Variants in PPIP5K2 observed in about 807,000 individuals in gnomAD.
PPIP5K2 encodes the protein inositol hexakisphosphate and diphosphoinositol-pentakisphosphate kinase 2.
PPIP5K2 carries 105 observed loss-of-function variants against 154.6 expected under a neutral mutation model. The observed-to-expected ratio is 0.68, with a 90% confidence interval of 0.58 to 0.80. The LOEUF (loss-of-function observed/expected upper bound fraction) is 0.80, where lower values mean the gene tolerates loss of function less well. Ranked by LOEUF, PPIP5K2 falls within the 30% of genes least tolerant of loss-of-function variation. The pLI, the probability that PPIP5K2 is intolerant of heterozygous loss-of-function variation, is 0.00. For synonymous variants in PPIP5K2, 480 were observed against 490.3 expected (o/e 0.98, Z 0.28); for missense variants, 992 against 1,504.6 (o/e 0.66, Z 5.64).
chr5:103,167,948 A>G (rs1426550371), intron 18 of PPIP5K2, 124 bp from the exon 19 acceptor site: 2 of 597,494 alleles, frequency 3.3e-6, no homozygotes, highest in Admixed American at 6.8e-5. Context: ...TGCCTAAAGT[A>G]ACTCTCTAAC....
intron 28 of PPIP5K2, chr5:103,188,974 T>G: frequency 4.8e-6 from 2 of 413,440 alleles, no homozygotes; most frequent in Non-Finnish European, 8.5e-6. Context: ...TTTTTAATAT[T>G]GTGTTGTCTT....
rs1554231119 is a variant in PPIP5K2, at chr5:103,202,837, A to G, written c.*1203A>G. ...GTAGTTAAATAACTTAAATTGCTAA[A>G]GCTTTAGCTTGAAATTTATGTTTAG... is the stretch of plus-strand genomic sequence containing the variant. On this transcript the variant is annotated 3_prime_UTR_variant, in exon 31 of 31. Coordinates refer to ENST00000358359, the MANE Select transcript of PPIP5K2 (RefSeq NM_001276277.3). 1 of 152,198 alleles carries G rather than the reference A, an allele frequency of 6.6e-6. No individual in the cohort carries two copies. Among genetic ancestry groups the G allele is most frequent in the East Asian group, 1.9e-4 (1 of 5,202 alleles). 9.4% of individuals were successfully genotyped at this position (152,198 alleles called of 1,614,324 possible).
At chr5:103,190,731 A>ATTGT in intron 28 of PPIP5K2, 111 bp from the exon 29 acceptor site, 21 of 900,972 alleles carry the variant, frequency 2.3e-5, no homozygotes, top group Non-Finnish European at 3.3e-5. Flanking sequence ...TGCATGTGAT[A>ATTGT]GACTGAAAAG....
At position 103,211,829 on chromosome 5, in the gene PPIP5K2, G is replaced by A. The variant is rs1554232600; in HGVS notation, c.*10195G>A. ...GCTCAAAAGCAGTCATAAAGTTCATGGCAAAATAACCCACATAATTAACTG... is the reference window on the plus strand; with the variant it reads ...GCTCAAAAGCAGTCATAAAGTTCATAGCAAAATAACCCACATAATTAACTG... On this transcript the variant is annotated 3_prime_UTR_variant, in exon 31 of 31. Coordinates refer to ENST00000358359, the MANE Select transcript of PPIP5K2 (RefSeq NM_001276277.3). 1.3e-5 allele frequency: 2 copies of A among 151,984 alleles called. No individual in the cohort carries two copies. Among genetic ancestry groups the A allele is most frequent in the Non-Finnish European group, 2.9e-5 (2 of 67,944 alleles). The allele number at this position is 151,984 out of a possible 1,614,324, so 9.4% of individuals were successfully genotyped here. A position where few individuals can be genotyped will look rare whatever the true frequency, so the allele number is the denominator to read the frequency against.
At position 103,166,645 on chromosome 5, in the gene PPIP5K2, A is replaced by G. The variant is rs192996157; in HGVS notation, c.1921-534A>G. ...TTTTTTACTTTTATCTTTTAATTCA[A>G]TTTTTCCACATACTTTCTGGAAGTT... On this transcript the variant is annotated intron_variant, in intron 17 of 30. Coordinates refer to ENST00000358359, the MANE Select transcript of PPIP5K2 (RefSeq NM_001276277.3). 8.6e-5 allele frequency among the ~76,000 whole-genome samples: 13 copies of G among 151,960 alleles called. No individual in the cohort carries two copies. The East Asian group carries it at 1.7e-3, about 20-fold the overall frequency.
At chr5:103,176,495 T>C (rs1798736429) in intron 21 of PPIP5K2, among the ~76,000 whole-genome samples, 1 of 151,896 alleles carries the variant, frequency 6.6e-6, no homozygotes, top group South Asian at 2.1e-4. Flanking sequence ...ACACACGGAA[T>C]GTATAATGTC....
At chr5:103,158,596 A>G in intron 16 of PPIP5K2, 23 bp downstream of exon 16, 1 of 1,541,434 alleles carries the variant, frequency 6.5e-7, no homozygotes, top group Non-Finnish European at 8.7e-7. Flanking sequence ...TTTTTTTAGA[A>G]TTATTAGAGT....
chr5:103,177,226 A>G (rs1360316703), intron 21 of PPIP5K2, among the ~76,000 whole-genome samples: 1 of 151,946 alleles, frequency 6.6e-6, no homozygotes, highest in African/African-American at 2.4e-5. Flanking sequence ...CTTCTAATAT[A>G]GGTTGAATAT....
chr5:103,125,058 C>A (rs1170644700), intron 1 of PPIP5K2, among the ~76,000 whole-genome samples: 1 of 152,078 alleles, frequency 6.6e-6, no homozygotes, highest in African/African-American at 2.4e-5. Context: ...TTGAGATGTG[C>A]CAACCACCAG....
intron 19 of PPIP5K2, among the ~76,000 whole-genome samples, chr5:103,170,870 A>G (rs1384432775): frequency 6.6e-6 from 1 of 151,582 alleles, no homozygotes; most frequent in Non-Finnish European, 1.5e-5. Flanking sequence ...GTTCTCAAGC[A>G]AATAATATTT....
intron 3 of PPIP5K2, among the ~76,000 whole-genome samples, chr5:103,133,937 G>T (rs1364087636): frequency 6.6e-6 from 1 of 151,864 alleles, no homozygotes; most frequent in African/African-American, 2.4e-5. Context: ...GGTTTTTAAT[G>T]GTGGCATAGT....
intron 3 of PPIP5K2, among the ~76,000 whole-genome samples, chr5:103,135,321 A>G (rs1461082373): frequency 6.6e-6 from 1 of 152,188 alleles, no homozygotes; most frequent in East Asian, 1.9e-4. Context: ...CCAAGGTCAC[A>G]TAGCTAGTGA....
rs1801164015 is a variant in PPIP5K2, at chr5:103,191,112, G to A, written c.3493+130G>A. The A allele has an allele frequency of 4.1e-6, 3 of 736,518 alleles. No homozygotes were observed. The African/African-American group carries it at 5.4e-5, about 13-fold the overall frequency. 45.6% of individuals were successfully genotyped at this position (736,518 alleles called of 1,614,324 possible). A position where few individuals can be genotyped will look rare whatever the true frequency, so the allele number is the denominator to read the frequency against. ...GTAGGAGTACAAAGGGGAGTGTAAA[G>A]GGACATTATTAGGAATTCTTTGGTG... On this transcript the variant is annotated intron_variant, in intron 29 of 30. Transcript: ENST00000358359.
chr5:103,165,559 C>T (rs188131000), intron 17 of PPIP5K2, among the ~76,000 whole-genome samples: 7 of 151,990 alleles, frequency 4.6e-5, no homozygotes, highest in Non-Finnish European at 8.8e-5. Flanking sequence ...AGAGCCCCTG[C>T]GAGGGGCAAC....
At position 103,168,287 on chromosome 5, in the gene PPIP5K2, A is replaced by G; in HGVS notation, c.2278A>G (p.Ile760Val). ...TTCGAAGGCATTAGCAGATATTGTT[A>G]TCCCTCAGGTAAGTCATTCTTAAGA... ...RLSKALADIV[I>V]PQEYGITKAE... The change falls in exon 19 of 31, where the codon ATC (isoleucine) becomes GTC (valine). Residue 760 changes from isoleucine to valine, a missense_variant. This residue lies in a region of PPIP5K2 where 157 missense variants were observed against 281.2 expected (regional missense o/e 0.56). Coordinates refer to ENST00000358359, the MANE Select transcript of PPIP5K2 (RefSeq NM_001276277.3). 2 of 1,591,736 alleles carry G rather than the reference A, an allele frequency of 1.3e-6. No homozygotes were observed. The highest frequency in any genetic ancestry group is 8.6e-7 in the Non-Finnish European group (1 of 1,162,838).
At chr5:103,190,729 A>G in intron 28 of PPIP5K2, 113 bp from the exon 29 acceptor site, 1 of 884,214 alleles carries the variant, frequency 1.1e-6, no homozygotes, top group Non-Finnish European at 1.6e-6. Context: ...TTTGCATGTG[A>G]TAGACTGAAA....
chr5:103,138,388 GA>G lies in PPIP5K2; in HGVS notation c.408del (p.Val137TyrfsTer18). The G allele has an allele frequency of 6.4e-7, 1 of 1,559,276 alleles. No homozygotes were observed. Among genetic ancestry groups the G allele is most frequent in the Non-Finnish European group, 8.8e-7 (1 of 1,140,228 alleles). ...NMQYLIQDRR[E>X]VYSILQAEGI... ...GATGTTTCCCTTTTTCTTCAGGAGA[GA>G]AGTATATAGTATTCTTCAAGCTGAA... On this transcript the variant is annotated frameshift_variant, in exon 5 of 31. Transcript: ENST00000358359. LOFTEE classifies it high-confidence loss of function.
chr5:103,167,966 A>C, intron 18 of PPIP5K2, 106 bp from the exon 19 acceptor site: 3 of 677,606 alleles, frequency 4.4e-6, no homozygotes, highest in Non-Finnish European at 7.2e-6. Flanking sequence ...AACTTCATAC[A>C]GTTGTATTTT....
At chr5:103,169,973 T>C (rs1554219109) in intron 19 of PPIP5K2, among the ~76,000 whole-genome samples, 2 of 151,642 alleles carry the variant, frequency 1.3e-5, no homozygotes, top group Admixed American at 6.6e-5. Flanking sequence ...ATGCTTTGTC[T>C]AATCTTTAGC....
Sources: gnomAD v4.1 joint callset for allele counts (sites outside exome capture counted in the v4.1 genomes callset) on GRCh38, gnomAD v4.1.1 for gene constraint, gnomAD v4.1.1 regional missense constraint, MANE v1.5 for transcripts, NCBI Gene and HGNC (gene_info 2026-07-23, HGNC 2026-07-21) for gene names.